Variants in POGZ observed in about 807,000 individuals in gnomAD.
POGZ encodes pogo transposable element derived with ZNF domain, also known as pogo transposable element with ZNF domain.
A neutral mutation model predicts 134.6 loss-of-function variants in POGZ; 17 were observed. The ratio of observed to expected loss-of-function variants is 0.13; its 90% CI spans 0.09 to 0.19. The LOEUF (loss-of-function observed/expected upper bound fraction) is 0.19, where lower values mean the gene tolerates loss of function less well. Ranked by LOEUF, POGZ falls within the 10% of genes least tolerant of loss-of-function variation. The probability of loss-of-function intolerance (pLI) is 1.00; values close to 1 mark genes in which losing one functional copy is unlikely to be tolerated. For synonymous variants in POGZ, 693 were observed against 657.1 expected, an observed-to-expected ratio of 1.05 and a Z score of -0.84; for missense variants, 1,306 against 1,769.7, an observed-to-expected ratio of 0.74 and a Z score of 4.70.
chr1:151,410,106 T>C (rs1247873650), intron 12 of POGZ, among the ~76,000 whole-genome samples: 1 of 152,176 alleles, frequency 6.6e-6, no homozygotes, highest in East Asian at 1.9e-4. Flanking sequence ...TTTTGAATCC[T>C]CTCTTATATA....
At chr1:151,416,353 T>TA (rs1227516245) in intron 10 of POGZ, among the ~76,000 whole-genome samples, 1 of 151,308 alleles carries the variant, frequency 6.6e-6, no homozygotes, top group Non-Finnish European at 1.5e-5. Flanking sequence ...GGCTAGGAGT[T>TA]AGAGACCAGC....
chr1:151,442,117 C>G lies in POGZ; in HGVS notation c.88G>C (p.Val30Leu), dbSNP rs1430849666. The G allele has an allele frequency of 1.9e-6, 3 of 1,606,702 alleles. No individual in the cohort carries two copies. Among genetic ancestry groups the G allele is most frequent in the Non-Finnish European group, 2.6e-6 (3 of 1,173,388 alleles). ...KISDVIEDSV[V>L]EDYNSVDKTT... is the part of the protein sequence containing the mutation. Reference sequence around the variant, plus strand: ...TTATCCACTGAATTATAATCTTCAACTACAGAGTCCTCAATGACATCACTG... The same window carrying G: ...TTATCCACTGAATTATAATCTTCAAGTACAGAGTCCTCAATGACATCACTG... Residue 30 changes from valine to leucine, a missense_variant, in exon 2 of 19, where the codon GTT (valine) becomes CTT (leucine). This residue lies in a region of POGZ where 541 missense variants were observed against 680.5 expected (regional missense o/e 0.80). Coordinates refer to ENST00000271715, the MANE Select transcript of POGZ (RefSeq NM_015100.4).
At chr1:151,433,541 G>A (rs1281833556) in intron 3 of POGZ, among the ~76,000 whole-genome samples, 1 of 146,502 alleles carries the variant, frequency 6.8e-6, no homozygotes, top group Non-Finnish European at 1.5e-5. Context: ...CCAGGAGGCA[G>A]AGGTTGCATT....
chr1:151,421,916 C>T (rs1365724581), intron 10 of POGZ, among the ~76,000 whole-genome samples: 3 of 151,998 alleles, frequency 2.0e-5, no homozygotes, highest in South Asian at 2.1e-4. Flanking sequence ...CCACAGCCAG[C>T]GAATTTTTGT....
chr1:151,414,780 C>CAAAA lies in POGZ; in HGVS notation c.1679-2388_1679-2385dup, dbSNP rs772071504. Among the ~76,000 whole-genome samples, 15 of 150,514 alleles carry CAAAA rather than the reference C, an allele frequency of 1.0e-4. No homozygotes were observed. The East Asian group carries it at 2.9e-3, about 29-fold the overall frequency. The stretch of plus-strand genomic sequence containing the variant: ...CTGGGCAACAAGAGCGAAACTCCCT[C>CAAAA]AAAAAAAAGAAAAAAAAGATTTACA... On this transcript the variant is annotated intron_variant, in intron 10 of 18. Transcript: ENST00000271715.
intron 10 of POGZ, among the ~76,000 whole-genome samples, chr1:151,421,090 A>G (rs1454533915): frequency 1.3e-5 from 2 of 151,420 alleles, no homozygotes; most frequent in African/African-American, 4.8e-5. Flanking sequence ...AATTATAACA[A>G]TATACTGTAA....
intron 3 of POGZ, among the ~76,000 whole-genome samples, chr1:151,432,634 C>A (rs1658884508): frequency 6.6e-6 from 1 of 152,130 alleles, no homozygotes; most frequent in Non-Finnish European, 1.5e-5. Flanking sequence ...CACCACCCTG[C>A]TTCAATAATT....
intron 12 of POGZ, among the ~76,000 whole-genome samples, chr1:151,409,759 C>T (rs1654338412): frequency 2.0e-5 from 3 of 152,204 alleles, no homozygotes; most frequent in African/African-American, 7.2e-5. Context: ...CCTTTTAACA[C>T]AAATGATAGC....
At chr1:151,416,954 C>T (rs1054067298) in intron 10 of POGZ, among the ~76,000 whole-genome samples, 4 of 151,828 alleles carry the variant, frequency 2.6e-5, no homozygotes, top group African/African-American at 9.7e-5. Flanking sequence ...TAAGATGATA[C>T]TGTTATCACA....
chr1:151,435,572 A>C (rs1659438865), intron 3 of POGZ, among the ~76,000 whole-genome samples: 1 of 151,440 alleles, frequency 6.6e-6, no homozygotes, highest in Non-Finnish European at 1.5e-5. Flanking sequence ...AGCTCACTGC[A>C]ACCTCCACCT....
At chr1:151,440,218 T>G (rs1329795229) in intron 3 of POGZ, among the ~76,000 whole-genome samples, 1 of 151,702 alleles carries the variant, frequency 6.6e-6, no homozygotes, top group South Asian at 2.1e-4. Context: ...TTTTCTACAA[T>G]GCATATATTA....
At position 151,411,640 on chromosome 1, in the gene POGZ, A is replaced by G. The variant is rs1474143192; in HGVS notation, c.1911T>C (p.His637=). Residue 637 remains histidine, a synonymous_variant, in exon 12 of 19, where the codon CAT becomes CAC. Transcript: ENST00000271715. Reference sequence around the variant, plus strand: ...TGCCTAGTACCTGGTGCCTCATGTAATGCTGTTGGAATGCATTGCCATTTT... The same window carrying G: ...TGCCTAGTACCTGGTGCCTCATGTAGTGCTGTTGGAATGCATTGCCATTTT... ...VFKNGNAFQQ[H]YMRHQKRNVY... is the part of the protein sequence containing the mutation. 1 of 1,610,872 alleles carries G rather than the reference A, an allele frequency of 6.2e-7. No homozygotes were observed.
Position 151,423,820 on chromosome 1 carries a change from A to G in POGZ, c.1523+129T>C, listed in dbSNP as rs1657340575. 6.8e-6 allele frequency: 5 copies of G among 731,720 alleles called. No individual in the cohort carries two copies. The African/African-American group carries it at 8.9e-5, about 13-fold the overall frequency. The allele number at this position is 731,720 out of a possible 1,614,324, so 45.3% of individuals were successfully genotyped here. The stretch of plus-strand genomic sequence containing the variant: ...TCTCCTTCTATAGTCCTAGTTATTG[A>G]TTTAATGATAACCCCAGCAAGACTG... On this transcript the variant is annotated intron_variant, in intron 9 of 18. Coordinates refer to ENST00000271715, the MANE Select transcript of POGZ (RefSeq NM_015100.4).
chr1:151,425,884 A>G (rs562573937), intron 7 of POGZ, among the ~76,000 whole-genome samples: 14 of 152,292 alleles, frequency 9.2e-5, no homozygotes, highest in African/African-American at 3.1e-4. Flanking sequence ...GAATTCCTGG[A>G]GCATACAACA....
chr1:151,422,970 T>G (rs1657188327), intron 10 of POGZ, among the ~76,000 whole-genome samples: 1 of 152,200 alleles, frequency 6.6e-6, no homozygotes, highest in Non-Finnish European at 1.5e-5. Flanking sequence ...TAGAAAACAC[T>G]CCAGCTCATC....
chr1:151,419,958 T>C (rs1413068693), intron 10 of POGZ, among the ~76,000 whole-genome samples: 2 of 151,732 alleles, frequency 1.3e-5, no homozygotes, highest in Non-Finnish European at 2.9e-5. Flanking sequence ...CCACCCCCCA[T>C]ATTACGCGTA....
intron 2 of POGZ, among the ~76,000 whole-genome samples, chr1:151,441,477 T>A (rs1035258665): frequency 1.3e-5 from 2 of 152,194 alleles, no homozygotes; most frequent in Non-Finnish European, 2.9e-5. Context: ...CAATGCCATC[T>A]TCAGGTCTCA....
chr1:151,409,008 T>C (rs1331862824), intron 12 of POGZ, among the ~76,000 whole-genome samples, 180 bp from the exon 13 acceptor site: 3 of 152,130 alleles, frequency 2.0e-5, no homozygotes, highest in Non-Finnish European at 2.9e-5. Context: ...TTGAGAATCA[T>C]CACCTCCCAT....
rs576839288 is a variant in POGZ at position 151,430,630 on chromosome 1, T to C, written c.459+36A>G. 42 of 1,538,152 alleles carry C rather than the reference T, an allele frequency of 2.7e-5. No individual in the cohort carries two copies. The South Asian group carries it at 4.4e-4, about 16-fold the overall frequency. ...TTTTCAGAGGTTTATAGTCTTTCTC[T>C]CCTCTAGCAACCTTGGAATTCAGAG... On this transcript the variant is annotated intron_variant, in intron 4 of 18. Coordinates refer to ENST00000271715, the MANE Select transcript of POGZ (RefSeq NM_015100.4).
Sources: allele counts gnomAD v4.1 joint callset (sites outside exome capture counted in the v4.1 genomes callset), GRCh38; gene constraint gnomAD v4.1.1; regional missense constraint gnomAD v4.1.1; transcripts MANE v1.5; gene names NCBI Gene and HGNC (gene_info 2026-07-23, HGNC 2026-07-21).